CLUH: variants seen among roughly 807,000 people sequenced by gnomAD.
CLUH encodes clustered mitochondria protein homolog.
A neutral mutation model predicts 139.3 loss-of-function variants in CLUH; 77 were observed. The observed-to-expected ratio is 0.55, with a 90% CI of 0.46 to 0.67. The LOEUF (loss-of-function observed/expected upper bound fraction) is 0.67. CLUH is among the 30% of genes least tolerant of loss of function. The pLI, the probability that CLUH is intolerant of heterozygous loss-of-function variation, is 0.00. For missense variants in CLUH, 1,876 were observed against 1,875.8 expected (o/e 1.00, Z 0.00); for synonymous variants, 999 against 801.6 (o/e 1.25, Z -4.16).
At chr17:2,710,770 G>A (rs543362354) in intron 1 of CLUH, among the ~76,000 whole-genome samples, 1 of 152,162 alleles carries the variant, frequency 6.6e-6, no homozygotes, top group Non-Finnish European at 1.5e-5. Flanking sequence ...ATGGGGGATC[G>A]CTGGGAGCTT....
chr17:2,691,623 G>T lies in CLUH; in HGVS notation c.3849C>A (p.Leu1283=). 1 of 1,612,692 alleles carries T rather than the reference G, an allele frequency of 6.2e-7. No homozygotes were observed. Among genetic ancestry groups the T allele is most frequent in the South Asian group, 1.1e-5 (1 of 90,946 alleles). The part of the protein sequence containing the change: ...LEQLNVINGI[L]FIPLSQKDLE... ...GGAGGCCTCACCTGAGAGGAATGAA[G>T]AGGATGCCGTTAATGACGTTCAGCT... Residue 1283 remains leucine (L), a synonymous_variant, in exon 25 of 26, where the codon CTC becomes CTA. Coordinates refer to ENST00000651024, the MANE Select transcript of CLUH (RefSeq NM_001366661.1).
chr17:2,695,315 C>T, intron 14 of CLUH, 35 bp from the exon 15 acceptor site: 2 of 1,613,566 alleles, frequency 1.2e-6, no homozygotes, highest in Non-Finnish European at 1.7e-6. Flanking sequence ...TTGGTCAGGC[C>T]CCCGGCCTCC....
In CLUH at chr17:2,704,242, G is replaced by A; in HGVS notation, c.303+120C>T. On this transcript the variant is annotated intron_variant, in intron 2 of 25. Transcript: ENST00000651024. The surrounding 1 kb of genome is among the most constrained non-coding windows in gnomAD (Gnocchi z 5.7). ...GCTGAGTGACTCTAGGGAGGGCACG[G>A]GATCCTCAGTTTCCTGCCACAAAAT... The A allele has an allele frequency of 9.4e-7, 1 of 1,068,380 alleles. No individual in the cohort carries two copies. The highest frequency in any genetic ancestry group is 1.3e-6 in the Non-Finnish European group (1 of 747,662). 66.2% of individuals were successfully genotyped at this position (1,068,380 alleles called of 1,614,324 possible).
Position 2,693,673 on chromosome 17 carries a change from G to T in CLUH, c.3231+227C>A, listed in dbSNP as rs146823042. Among the ~76,000 whole-genome samples, 499 of 152,198 alleles carry T rather than the reference G, an allele frequency of 3.3e-3. 2 individuals are homozygous for T. Among genetic ancestry groups the T allele is most frequent in the African/African-American group, 0.012 (480 of 41,532 alleles). ...CGTCCTTGCTGACGCCCTGTGGGGG[G>T]GTCCCCTGCCATCGCCTCCCAGAAC... On this transcript the variant is annotated intron_variant, in intron 19 of 25. Transcript: ENST00000651024.
At position 2,711,578 on chromosome 17, in the gene CLUH, C is replaced by T; in HGVS notation, c.84G>A (p.Gly28=). ...CCCGCTCACCGGCCGCGCCCGGCCG[C>T]CCCTTGCCCCCGGCCTGCGAGCCGT... ...REHGSQAGGK[G]RPGAAELPSV... is the part of the protein sequence containing the mutation. Residue 28 remains glycine (G), a synonymous_variant, in exon 1 of 26, where the codon GGG becomes GGA. Transcript: ENST00000651024. 1 of 981,818 alleles carries T rather than the reference C, an allele frequency of 1.0e-6. No homozygotes were observed. The highest frequency in any genetic ancestry group is 1.2e-6 in the Non-Finnish European group (1 of 827,752). 60.8% of individuals were successfully genotyped at this position (981,818 alleles called of 1,614,324 possible).
At position 2,699,381 on chromosome 17, in the gene CLUH, C is replaced by T. The variant is rs542926628; in HGVS notation, c.1267-791G>A. On this transcript the variant is annotated intron_variant, in intron 9 of 25. Transcript: ENST00000651024. ...CGCTGTTGCCAAGGCTGGAATGCAG[C>T]GGCACGAGATCCGAGCTCACTGAAG... Among the ~76,000 whole-genome samples, 4 of 152,290 alleles carry T rather than the reference C, an allele frequency of 2.6e-5. No homozygotes were observed. The East Asian group carries it at 7.7e-4, about 29-fold the overall frequency.
intron 23 of CLUH, 44 bp downstream of exon 23, chr17:2,691,960 C>G (rs762568904): frequency 1.4e-6 from 1 of 731,116 alleles, no homozygotes; most frequent in Non-Finnish European, 1.7e-6. Flanking sequence ...CGCCCCGCCA[C>G]GCCCCCGCCC....
chr17:2,699,055 C>T (rs1424110989), intron 9 of CLUH, among the ~76,000 whole-genome samples: 2 of 151,922 alleles, frequency 1.3e-5, no homozygotes, highest in Non-Finnish European at 2.9e-5. Context: ...TCTAAAAAAG[C>T]GCAAACAAAC....
rs922386070 is a variant in CLUH at position 2,707,542 on chromosome 17, C to G, written c.101-2978G>C. On this transcript the variant is annotated intron_variant, in intron 1 of 25. Coordinates refer to ENST00000651024, the MANE Select transcript of CLUH (RefSeq NM_001366661.1). This position sits in a 1 kb window ranked among gnomAD's most constrained non-coding sequence, Gnocchi z 7.4. ...TGCCCCCTAGAGAGGGGGTCACTGC[C>G]GGCAAAGCCGCTAGGGGGATCGGAG... 2 of 985,276 alleles carry G rather than the reference C, an allele frequency of 2.0e-6. No homozygotes were observed. The highest frequency in any genetic ancestry group is 3.5e-5 in the African/African-American group (2 of 57,228). 61.0% of individuals were successfully genotyped at this position (985,276 alleles called of 1,614,324 possible). A position where few individuals can be genotyped will look rare whatever the true frequency, so the allele number is the denominator to read the frequency against.
At chr17:2,691,973 CCCCCG>C (rs755933672) in intron 23 of CLUH, 26 bp downstream of exon 23, 108,792 of 456,706 alleles carry the variant, frequency 0.24, 8,938 homozygotes, top group South Asian at 0.44. Context: ...CCCCGCCCCG[CCCCCG>C]CCCCCGCCAC....
chr17:2,698,730 A>G (rs913132550), intron 9 of CLUH, 140 bp from the exon 10 acceptor site: 6 of 770,268 alleles, frequency 7.8e-6, no homozygotes, highest in Admixed American at 3.0e-5. Flanking sequence ...CAGTTTCCTC[A>G]TATGTAGAAA....
chr17:2,695,193 C>T, intron 15 of CLUH, 25 bp downstream of exon 15: 1 of 1,613,838 alleles, frequency 6.2e-7, no homozygotes, highest in Middle Eastern at 1.6e-4. Context: ...AGGCCATGGC[C>T]AGCCGCAGAG....
chr17:2,698,934 C>A lies in CLUH; in HGVS notation c.1267-344G>T, dbSNP rs137956587. Among the ~76,000 whole-genome samples the A allele has an allele frequency of 7.2e-4, 110 of 152,248 alleles. 2 individuals carry two copies. In the East Asian group the frequency reaches 0.021, roughly 28 times the overall value. On this transcript the variant is annotated intron_variant, in intron 9 of 25. Coordinates refer to ENST00000651024, the MANE Select transcript of CLUH (RefSeq NM_001366661.1). ...AGGTGGCGCGCGCCTGTAGTCCCAGCCACCCGACAGGCTGAGGCAGGAGAA... is the reference window on the plus strand; with the variant it reads ...AGGTGGCGCGCGCCTGTAGTCCCAGACACCCGACAGGCTGAGGCAGGAGAA...
Position 2,692,549 on chromosome 17 carries a change from G to GCCC in CLUH, c.3438+19_3438+21dup, listed in dbSNP as rs369293762. On this transcript the variant is annotated intron_variant, in intron 21 of 25. Coordinates refer to ENST00000651024, the MANE Select transcript of CLUH (RefSeq NM_001366661.1). ...CCTGGGATGGAGCTGGGTCCCTGCC[G>GCCC]CCCCCCCGCCCCAGCACTCACGTCC... 5 of 1,598,542 alleles carry GCCC rather than the reference G, an allele frequency of 3.1e-6. No individual in the cohort carries two copies. In the African/African-American group the frequency reaches 5.4e-5, roughly 17 times the overall value.
rs1567598589 is a variant in CLUH, at chr17:2,706,251, G to A, written c.101-1687C>T. 6.6e-6 allele frequency among the ~76,000 whole-genome samples: 1 copy of A among 152,122 alleles called. No homozygotes were observed. Among genetic ancestry groups the A allele is most frequent in the Admixed American group, 6.5e-5 (1 of 15,276 alleles). ...AGTACGGAAAGGCAGAGACCGGGGG[G>A]CCTGGAGAGAGTCGCTCCCTTTCCC... is the stretch of plus-strand genomic sequence containing the variant. On this transcript the variant is annotated intron_variant, in intron 1 of 25. Transcript: ENST00000651024. This position sits in a 1 kb window ranked among gnomAD's most constrained non-coding sequence, Gnocchi z 4.6.
At chr17:2,698,707 G>C in intron 9 of CLUH, 117 bp from the exon 10 acceptor site, 1 of 940,254 alleles carries the variant, frequency 1.1e-6, no homozygotes, top group Non-Finnish European at 1.5e-6. Flanking sequence ...GGAAACCCAA[G>C]GACCCGGAGC....
Position 2,700,422 on chromosome 17 carries a change from T to C in CLUH, c.1226A>G (p.Asn409Ser). Residue 409 changes from asparagine (N) to serine (S), a missense_variant, in exon 9 of 26, where the codon AAC becomes AGC. By Grantham distance (46) the Asn-to-Ser change is conservative (BLOSUM62 1). This residue lies in a region of CLUH where 1,454 missense variants were observed against 1,384.4 expected (regional missense o/e 1.05). Transcript: ENST00000651024. ...LQTTRELPRK[N>S]LPERLLRERA... ...TTCTCGGAGCAGCCGCTCAGGCAGG[T>C]TCTTGCGAGGCAGCTCCCTCGTCGT... 2 of 1,613,382 alleles carry C rather than the reference T, an allele frequency of 1.2e-6. No individual in the cohort carries two copies. Among genetic ancestry groups the C allele is most frequent in the Non-Finnish European group, 1.7e-6 (2 of 1,179,806 alleles).
chr17:2,698,602 C>G lies in CLUH; in HGVS notation c.1267-12G>C, dbSNP rs553783116. The G allele has an allele frequency of 1.3e-6, 2 of 1,577,180 alleles. No homozygotes were observed. The highest frequency in any genetic ancestry group is 1.3e-5 in the African/African-American group (1 of 74,206). ...AAGTCGCTGTGCACCTGGCGGGGGT[C>G]GAGGAGGGCAGGGTTAGAGGCCGCG... is the stretch of plus-strand genomic sequence containing the variant. On this transcript the variant is annotated splice_polypyrimidine_tract_variant and intron_variant, in intron 9 of 25. Coordinates refer to ENST00000651024, the MANE Select transcript of CLUH (RefSeq NM_001366661.1).
At chr17:2,711,472 G>A (rs768180873) in intron 1 of CLUH, 90 bp downstream of exon 1, 57 of 313,504 alleles carry the variant, frequency 1.8e-4, no homozygotes, top group Non-Finnish European at 2.4e-4. Flanking sequence ...CGACGCGGAG[G>A]GAAGGCGGCG....
Sources: gnomAD v4.1 joint callset for allele counts (sites outside exome capture counted in the v4.1 genomes callset) on GRCh38, gnomAD v4.1.1 for gene constraint, gnomAD v4.1.1 regional missense constraint, Gnocchi (gnomAD v3.1) non-coding constraint, MANE v1.5 for transcripts, NCBI Gene and HGNC (gene_info 2026-07-23, HGNC 2026-07-21) for gene names.